Variants in SYT14 observed in about 807,000 individuals in gnomAD.
The protein encoded by SYT14 is synaptotagmin 14, also known as synaptotagmin-14.
A neutral mutation model predicts 74.2 loss-of-function variants in SYT14; 32 were observed. The ratio of observed to expected loss-of-function variants is 0.43; its 90% CI spans 0.33 to 0.58. The LOEUF is 0.58. SYT14 is among the 20% of genes least tolerant of loss of function. The probability of loss-of-function intolerance (pLI) is 0.05; values close to 1 mark genes in which losing one functional copy is unlikely to be tolerated. For missense variants in SYT14, 791 were observed against 981.8 expected, an observed-to-expected ratio of 0.81 and a Z score of 2.60; for synonymous variants, 298 against 337.7, an observed-to-expected ratio of 0.88 and a Z score of 1.29.
At chr1:209,998,016 T>G (rs1347208035) in intron 2 of SYT14, among the ~76,000 whole-genome samples, 1 of 152,146 alleles carries the variant, frequency 6.6e-6, no homozygotes, top group Non-Finnish European at 1.5e-5. Flanking sequence ...TATGTTAAAT[T>G]TTGCCGTCTT....
intron 7 of SYT14, among the ~76,000 whole-genome samples, chr1:210,117,024 A>C (rs1423969744): frequency 6.6e-6 from 1 of 152,174 alleles, no homozygotes. Flanking sequence ...TTTTATTTTT[A>C]AATAATAATT....
intron 5 of SYT14, among the ~76,000 whole-genome samples, chr1:210,078,785 C>T (rs1016358170): frequency 1.8e-4 from 27 of 149,826 alleles, no homozygotes; most frequent in Admixed American, 8.7e-4. Flanking sequence ...CTTACCCTGT[C>T]GCCCAGGCTG....
At chr1:209,938,791 C>T (rs1172730475) in intron 1 of SYT14, among the ~76,000 whole-genome samples, 1 of 152,064 alleles carries the variant, frequency 6.6e-6, no homozygotes, top group African/African-American at 2.4e-5. Flanking sequence ...CGGGCTGATG[C>T]TGGGTTACAC....
At position 210,163,461 on chromosome 1, in the gene SYT14, C is replaced by CGTAT. The variant is rs1334809973; in HGVS notation, c.*2419_*2420insGTAT. The CGTAT allele has an allele frequency of 1.1e-5, 5 of 453,714 alleles. No homozygotes were observed. The East Asian group carries it at 3.5e-4, about 32-fold the overall frequency. 28.1% of individuals were successfully genotyped at this position (453,714 alleles called of 1,614,324 possible). ...CTATATGAGTGTATGTATCTGTATA[C>CGTAT]ACACATGCACCATTACACATACAAC... On this transcript the variant is annotated 3_prime_UTR_variant, in exon 10 of 10. Transcript: ENST00000637265.
At chr1:210,100,045 C>T (rs2102544627) in exon 7 of SYT14, 1 of 1,614,036 alleles carries the variant, frequency 6.2e-7, no homozygotes, top group African/African-American at 1.3e-5. Context: ...TTCGCAGCTT[C>T]CTAAACCTTT....
intron 2 of SYT14, among the ~76,000 whole-genome samples, chr1:209,962,588 A>G (rs1016549931): frequency 2.0e-5 from 3 of 152,034 alleles, no homozygotes; most frequent in Admixed American, 6.6e-5. Flanking sequence ...GTTTATGTGC[A>G]CCCAGAGGGA....
intron 1 of SYT14, among the ~76,000 whole-genome samples, chr1:209,945,505 G>A (rs1169510729): frequency 1.3e-5 from 2 of 152,216 alleles, no homozygotes; most frequent in African/African-American, 2.4e-5. Context: ...ACGATGTACA[G>A]TGTAGGTGTC....
chr1:210,108,222 AGAG>A (rs1242369389), intron 7 of SYT14, among the ~76,000 whole-genome samples: 8 of 152,198 alleles, frequency 5.3e-5, no homozygotes, highest in African/African-American at 1.9e-4. Flanking sequence ...TTGGGTGAGA[AGAG>A]ATCTTCAGGA....
At chr1:210,115,368 G>T (rs1214426840) in intron 7 of SYT14, among the ~76,000 whole-genome samples, 2 of 148,608 alleles carry the variant, frequency 1.3e-5, no homozygotes, top group Admixed American at 6.7e-5. Flanking sequence ...GGGGGTGCTT[G>T]CCCCCCAGGA....
At chr1:209,974,804 A>ATTT (rs2079326966) in intron 2 of SYT14, among the ~76,000 whole-genome samples, 1 of 152,116 alleles carries the variant, frequency 6.6e-6, no homozygotes, top group Non-Finnish European at 1.5e-5. Flanking sequence ...ACCTTGGGCA[A>ATTT]TTTGGCCATT....
At chr1:209,977,915 T>G (rs552297305) in intron 2 of SYT14, among the ~76,000 whole-genome samples, 1 of 151,446 alleles carries the variant, frequency 6.6e-6, no homozygotes, top group Non-Finnish European at 1.5e-5. Context: ...CTTTTTATTC[T>G]TTTTTCTCTA....
chr1:210,028,872 A>G (rs904384534), intron 5 of SYT14, among the ~76,000 whole-genome samples: 8 of 152,076 alleles, frequency 5.3e-5, no homozygotes, highest in East Asian at 1.9e-4. Flanking sequence ...TGACTATACT[A>G]TTTTACATTT....
At chr1:210,105,264 C>T (rs576943119) in intron 7 of SYT14, among the ~76,000 whole-genome samples, 14 of 152,332 alleles carry the variant, frequency 9.2e-5, no homozygotes, top group Middle Eastern at 3.4e-3. Flanking sequence ...GAGTCAACTC[C>T]GGCATGTAGC....
At chr1:209,991,566 TA>T (rs1468252217) in intron 2 of SYT14, among the ~76,000 whole-genome samples, 1 of 152,004 alleles carries the variant, frequency 6.6e-6, no homozygotes, top group African/African-American at 2.4e-5. Context: ...AAATGCAAAT[TA>T]AAACCACAAG....
intron 6 of SYT14, among the ~76,000 whole-genome samples, chr1:210,096,953 C>T (rs2081976676): frequency 6.6e-6 from 1 of 152,208 alleles, no homozygotes; most frequent in African/African-American, 2.4e-5. Context: ...TCTTTACTCA[C>T]TATCTATAGT....
chr1:210,070,910 A>ATTTTTTT (rs200981834), intron 5 of SYT14, among the ~76,000 whole-genome samples: 1 of 116,294 alleles, frequency 8.6e-6, no homozygotes, highest in Non-Finnish European at 1.7e-5. Flanking sequence ...GTTGGGTATA[A>ATTTTTTT]TTTTTTTTTT....
chr1:210,046,139 G>A (rs1294717470), intron 5 of SYT14, among the ~76,000 whole-genome samples: 2 of 152,168 alleles, frequency 1.3e-5, no homozygotes, highest in Non-Finnish European at 2.9e-5. Flanking sequence ...GGGAGGGTGA[G>A]GCAGCAGGAT....
chr1:210,051,718 C>T (rs537617982), intron 5 of SYT14, among the ~76,000 whole-genome samples: 8 of 152,296 alleles, frequency 5.3e-5, no homozygotes, highest in Non-Finnish European at 8.8e-5. Flanking sequence ...TATGAATTCA[C>T]AGAAATCTCC....
At chr1:210,143,950 G>T (rs2082977147) in intron 7 of SYT14, among the ~76,000 whole-genome samples, 1 of 152,120 alleles carries the variant, frequency 6.6e-6, no homozygotes, top group African/African-American at 2.4e-5. Context: ...AGAGGGTACT[G>T]TTACTATATT....
Sources: gnomAD v4.1 joint callset for allele counts (sites outside exome capture counted in the v4.1 genomes callset) on GRCh38, gnomAD v4.1.1 for gene constraint, MANE v1.5 for transcripts, NCBI Gene and HGNC (gene_info 2026-07-23, HGNC 2026-07-21) for gene names.